Variants in LZTFL1 observed in about 807,000 individuals in gnomAD.
LZTFL1 encodes the protein leucine zipper transcription factor like 1, also known as leucine zipper transcription factor-like protein 1.
Under a neutral mutation model 45.9 loss-of-function variants are expected in LZTFL1, and 25 were observed. The ratio of observed to expected loss-of-function variants is 0.54; its 90% CI spans 0.40 to 0.76. The LOEUF (loss-of-function observed/expected upper bound fraction) is 0.76. Among genes scored for constraint, LZTFL1 ranks in the 30% least tolerant of loss-of-function variants. The pLI, the probability that LZTFL1 is intolerant of heterozygous loss-of-function variation, is 0.00. For missense variants in LZTFL1, 277 were observed against 331.1 expected (o/e 0.84, Z 1.27); for synonymous variants, 93 against 117.4 (o/e 0.79, Z 1.35).
upstream of LZTFL1, chr3:45,842,280 G>T (rs1457952233): frequency 2.3e-6 from 2 of 887,224 alleles, no homozygotes; most frequent in Non-Finnish European, 3.2e-6. Context: ...ACTTTTGGGA[G>T]CTGACTGCAG....
intron 2 of LZTFL1, among the ~76,000 whole-genome samples, chr3:45,879,993 G>A (rs1338832880): frequency 2.0e-5 from 3 of 152,174 alleles, no homozygotes; most frequent in African/African-American, 2.4e-5. Flanking sequence ...GCAGGAGGGA[G>A]GGATGTAAGC....
At chr3:45,887,485 C>T (rs1174506164) in intron 2 of LZTFL1, among the ~76,000 whole-genome samples, 1 of 152,124 alleles carries the variant, frequency 6.6e-6, no homozygotes, top group Non-Finnish European at 1.5e-5. Context: ...GCTGGTTTGC[C>T]TTTTCAAACA....
chr3:45,872,186 G>T (rs1302038033), intron 2 of LZTFL1, among the ~76,000 whole-genome samples: 1 of 152,250 alleles, frequency 6.6e-6, no homozygotes, highest in African/African-American at 2.4e-5. Context: ...GTGCAGAGGG[G>T]CCAGAAAGGA....
rs1700628755 is a variant in LZTFL1, at chr3:45,824,988, C to A, written c.*1326G>T. On this transcript the variant is annotated 3_prime_UTR_variant, in exon 10 of 10. Coordinates refer to ENST00000296135, the MANE Select transcript of LZTFL1 (RefSeq NM_020347.4). ...TAAGACTGCCTTCTGTGTCCTTTTG[C>A]AGGGAAATTATCTTACCCTTTAACA... 1 of 397,880 alleles carries A rather than the reference C, an allele frequency of 2.5e-6. No homozygotes were observed. Among genetic ancestry groups the A allele is most frequent in the Non-Finnish European group, 4.4e-6 (1 of 225,610 alleles). The allele number at this position is 397,880 out of a possible 1,614,324, so 24.6% of individuals were successfully genotyped here.
chr3:45,910,194 G>A (rs1702765934), intron 2 of LZTFL1, among the ~76,000 whole-genome samples: 3 of 152,316 alleles, frequency 2.0e-5, no homozygotes, highest in Admixed American at 2.0e-4. Context: ...GGTGGTGCAA[G>A]GAAGCAGGGA....
chr3:45,841,537 CGT>C (rs750720137), intron 1 of LZTFL1, among the ~76,000 whole-genome samples: 113 of 152,316 alleles, frequency 7.4e-4, no homozygotes, highest in South Asian at 1.7e-3. Context: ...CGCGCGCGCG[CGT>C]GTGTCTGTGT....
exon 1 of LZTFL1, chr3:45,915,510 G>A (rs1016287022): frequency 1.1e-5 from 5 of 456,220 alleles, no homozygotes; most frequent in African/African-American, 2.0e-5. Flanking sequence ...AGAAAGCGGG[G>A]GAGACCTCCT....
At chr3:45,890,952 C>A (rs1303194554) in intron 2 of LZTFL1, among the ~76,000 whole-genome samples, 1 of 152,062 alleles carries the variant, frequency 6.6e-6, no homozygotes, top group African/African-American at 2.4e-5. Context: ...TCAAAGTGTA[C>A]GAATGCATAG....
chr3:45,845,039 C>T (rs555529997), upstream of LZTFL1, among the ~76,000 whole-genome samples: 145 of 152,224 alleles, frequency 9.5e-4, no homozygotes, highest in Middle Eastern at 3.4e-3. Context: ...AAGTCTACCT[C>T]AAAAAATTTT....
chr3:45,915,629 G>T (rs1268479372), exon 1 of LZTFL1: 1 of 394,370 alleles, frequency 2.5e-6, no homozygotes. Flanking sequence ...CTCAGGTTTT[G>T]TTCATTTTTT....
At chr3:45,869,977 A>G (rs1701644882) in intron 2 of LZTFL1, among the ~76,000 whole-genome samples, 1 of 152,188 alleles carries the variant, frequency 6.6e-6, no homozygotes, top group Non-Finnish European at 1.5e-5. Context: ...CTGCTTTTGC[A>G]TTTTCCTCCA....
chr3:45,842,067 G>C lies in LZTFL1; in HGVS notation c.-76C>G. 6.3e-7 allele frequency: 1 copy of C among 1,594,120 alleles called. No homozygotes were observed. Among genetic ancestry groups the C allele is most frequent in the Non-Finnish European group, 8.5e-7 (1 of 1,172,444 alleles). On this transcript the variant is annotated 5_prime_UTR_variant, in exon 1 of 10. Transcript: ENST00000296135. ...CCCCGCCAAGCCTGGGATCGCCGAG[G>C]GTAGTTGGACCACAGAAAATGGGGA...
intron 2 of LZTFL1, among the ~76,000 whole-genome samples, chr3:45,908,831 A>C (rs889735617): frequency 6.6e-6 from 1 of 152,210 alleles, no homozygotes; most frequent in African/African-American, 2.4e-5. Flanking sequence ...GTATTAATGC[A>C]GGGGTCCCCA....
At chr3:45,889,720 C>T (rs1446403429) in intron 2 of LZTFL1, among the ~76,000 whole-genome samples, 1 of 151,070 alleles carries the variant, frequency 6.6e-6, no homozygotes, top group Admixed American at 6.6e-5. Flanking sequence ...CAACATAAGT[C>T]TTCCTACATG....
Position 45,837,924 on chromosome 3 carries a change from T to C in LZTFL1, c.128+3A>G. On this transcript the variant is annotated splice_donor_region_variant and intron_variant, in intron 2 of 9. Coordinates refer to ENST00000296135, the MANE Select transcript of LZTFL1 (RefSeq NM_020347.4). Reference sequence around the variant, plus strand: ...TGGTTTGCTTAGAGTCCTCCTCTGATACCTGCTCTCCTTGAGGTCTTGGAA... The same window carrying C: ...TGGTTTGCTTAGAGTCCTCCTCTGACACCTGCTCTCCTTGAGGTCTTGGAA... The C allele has an allele frequency of 1.2e-6, 2 of 1,607,550 alleles. No individual in the cohort carries two copies.
Position 45,826,265 on chromosome 3 carries a change from G to C in LZTFL1, c.*49C>G, listed in dbSNP as rs1384675078. On this transcript the variant is annotated 3_prime_UTR_variant, in exon 10 of 10. Transcript: ENST00000296135. The stretch of plus-strand genomic sequence containing the variant: ...TTTTCAAAATACATGCCTGAGGTGA[G>C]ACTGCTTGTATGTTTGCATGTGGTA... 2 of 1,567,920 alleles carry C rather than the reference G, an allele frequency of 1.3e-6. No individual in the cohort carries two copies. Among genetic ancestry groups the C allele is most frequent in the Admixed American group, 3.4e-5 (2 of 59,568 alleles).
chr3:45,887,251 C>CTGTGTGTG lies in LZTFL1; in HGVS notation c.-215+25861_-215+25868dup, dbSNP rs36040178. ...TCCTTTCTATTAAGTGCGTGTGTGT[C>CTGTGTGTG]TGTGTGTGTGTGTGTGTGTGTGTGA... On this transcript the variant is annotated intron_variant, in intron 2 of 4. Transcript: ENST00000472635. 4.0e-3 allele frequency among the ~76,000 whole-genome samples: 599 copies of CTGTGTGTG among 149,214 alleles called. 1 individual carries two copies. Among genetic ancestry groups the CTGTGTGTG allele is most frequent in the African/African-American group, 0.014 (553 of 40,706 alleles).
chr3:45,853,383 A>G (rs1367337115), intron 4 of LZTFL1, among the ~76,000 whole-genome samples: 1 of 152,226 alleles, frequency 6.6e-6, no homozygotes, highest in Non-Finnish European at 1.5e-5. Context: ...GGCAAGGTGC[A>G]TAGAAATTTT....
upstream of LZTFL1, chr3:45,842,304 C>T: frequency 1.4e-6 from 1 of 714,498 alleles, no homozygotes; most frequent in Non-Finnish European, 2.1e-6. Flanking sequence ...CAGAAGGTAG[C>T]GGGAGGGTTG....
Sources: allele counts gnomAD v4.1 joint callset (sites outside exome capture counted in the v4.1 genomes callset), GRCh38; gene constraint gnomAD v4.1.1; transcripts MANE v1.5; gene names NCBI Gene and HGNC (gene_info 2026-07-23, HGNC 2026-07-21).